Variants in N4BP2L2 observed in about 807,000 individuals in gnomAD.
N4BP2L2 encodes NEDD4-binding protein 2-like 2.
A neutral mutation model predicts 56.2 loss-of-function variants in N4BP2L2; 50 were observed. The ratio of observed to expected loss-of-function variants is 0.89; its 90% CI spans 0.71 to 1.13. The LOEUF is 1.13. Among genes scored for constraint, N4BP2L2 ranks in the 50% most tolerant of loss-of-function variants. N4BP2L2 has a pLI of 0.00. For synonymous variants in N4BP2L2, 203 were observed against 223.6 expected (o/e 0.91, Z 0.82); for missense variants, 689 against 693.8 (o/e 0.99, Z 0.08).
chr13:32,530,412 C>T (rs2054383407), intron 2 of N4BP2L2, among the ~76,000 whole-genome samples: 1 of 152,040 alleles, frequency 6.6e-6, no homozygotes, highest in African/African-American at 2.4e-5. Context: ...TATTTAAGAA[C>T]ATCAGTATTT....
At chr13:32,446,858 G>T (rs1409276619) in intron 6 of N4BP2L2, among the ~76,000 whole-genome samples, 3 of 151,942 alleles carry the variant, frequency 2.0e-5, no homozygotes, top group Non-Finnish European at 2.9e-5. Context: ...CTTCAAAACT[G>T]TATCAAGTAA....
intron 6 of N4BP2L2, among the ~76,000 whole-genome samples, chr13:32,484,678 T>C (rs2085490203): frequency 6.6e-6 from 1 of 152,132 alleles, no homozygotes; most frequent in African/African-American, 2.4e-5. Flanking sequence ...AGAGATGGGG[T>C]TTCACCATGT....
chr13:32,447,219 T>C (rs553306545), intron 6 of N4BP2L2, among the ~76,000 whole-genome samples: 31 of 152,134 alleles, frequency 2.0e-4, no homozygotes, highest in Non-Finnish European at 4.4e-4. Flanking sequence ...TTCTGTTGCC[T>C]CTCCTTTCTC....
At chr13:32,501,545 T>TG (rs1344740723) in intron 6 of N4BP2L2, among the ~76,000 whole-genome samples, 11 of 151,992 alleles carry the variant, frequency 7.2e-5, no homozygotes, top group Admixed American at 7.2e-4. Flanking sequence ...CCGGGTGCGG[T>TG]GGCTCACGCC....
intron 6 of N4BP2L2, among the ~76,000 whole-genome samples, chr13:32,444,721 T>C (rs1420946513): frequency 6.6e-6 from 1 of 152,224 alleles, no homozygotes; most frequent in African/African-American, 2.4e-5. Flanking sequence ...AAGAAAATAC[T>C]TCATATATAA....
chr13:32,513,440 T>C (rs207643), exon 6 of N4BP2L2: 96,674 of 152,010 alleles, frequency 0.64, 32,244 homozygotes, highest in Non-Finnish European at 0.75. Flanking sequence ...AAATACAGTA[T>C]ACATACAGGG....
At chr13:32,527,445 A>G (rs753951333) in exon 3 of N4BP2L2, 1 of 1,613,952 alleles carries the variant, frequency 6.2e-7, no homozygotes, top group African/African-American at 1.3e-5. Flanking sequence ...CACCAAGTTG[A>G]TTAACATTAT....
chr13:32,529,676 T>C (rs1265792965), intron 2 of N4BP2L2, among the ~76,000 whole-genome samples: 1 of 151,308 alleles, frequency 6.6e-6, no homozygotes, highest in Non-Finnish European at 1.5e-5. Context: ...TTTGTTTCGT[T>C]TTGTTTTGTT....
chr13:32,510,938 C>G (rs1279701699), exon 6 of N4BP2L2: 5 of 151,124 alleles, frequency 3.3e-5, no homozygotes. Context: ...CAACTCTTCA[C>G]TGGAATTTCT....
exon 6 of N4BP2L2, chr13:32,517,581 C>G: frequency 1.5e-6 from 2 of 1,305,760 alleles, no homozygotes; most frequent in Non-Finnish European, 2.0e-6. Context: ...TCCATAACAG[C>G]CAAGAGTATT....
intron 6 of N4BP2L2, among the ~76,000 whole-genome samples, chr13:32,482,541 T>C (rs897986028): frequency 3.3e-5 from 5 of 151,790 alleles, no homozygotes; most frequent in African/African-American, 1.2e-4. Context: ...TATTTTTGTA[T>C]TTTTAGTAGA....
chr13:32,533,836 T>C (rs1405704868), intron 2 of N4BP2L2, among the ~76,000 whole-genome samples: 1 of 152,210 alleles, frequency 6.6e-6, no homozygotes. Context: ...AACTCCTATA[T>C]GAAGCCATTC....
chr13:32,445,380 T>C (rs1384716068), intron 6 of N4BP2L2, among the ~76,000 whole-genome samples: 3 of 152,276 alleles, frequency 2.0e-5, no homozygotes, highest in Admixed American at 1.3e-4. Flanking sequence ...AATTTTGTTA[T>C]GTGGTGCATG....
chr13:32,456,360 G>C (rs1014629488), intron 6 of N4BP2L2, among the ~76,000 whole-genome samples: 1 of 152,268 alleles, frequency 6.6e-6, no homozygotes, highest in African/African-American at 2.4e-5. Context: ...CAACACCATA[G>C]ATACATCCTT....
chr13:32,444,057 G>T, exon 7 of N4BP2L2: 1 of 1,592,138 alleles, frequency 6.3e-7, no homozygotes, highest in African/African-American at 1.3e-5. Flanking sequence ...TCTGCTTTTT[G>T]TTTCTTTTTC....
At chr13:32,538,733 A>C (rs1566204756) in exon 1 of N4BP2L2, 2 of 985,378 alleles carry the variant, frequency 2.0e-6, no homozygotes, top group African/African-American at 1.7e-5. Flanking sequence ...CGAGGTCTGG[A>C]GGGACTAAAA....
intron 6 of N4BP2L2, among the ~76,000 whole-genome samples, chr13:32,495,133 T>A (rs1332260049): frequency 6.6e-6 from 1 of 152,184 alleles, no homozygotes; most frequent in Non-Finnish European, 1.5e-5. Flanking sequence ...AGCTTTCTTA[T>A]GCACAAACTG....
chr13:32,472,977 T>C (rs2082602369), intron 6 of N4BP2L2, among the ~76,000 whole-genome samples: 1 of 152,138 alleles, frequency 6.6e-6, no homozygotes, highest in Admixed American at 6.6e-5. Flanking sequence ...TAAAATAACT[T>C]ATTAATAATT....
intron 2 of N4BP2L2, among the ~76,000 whole-genome samples, chr13:32,533,356 T>C (rs2055529074): frequency 6.6e-6 from 1 of 152,002 alleles, no homozygotes; most frequent in South Asian, 2.1e-4. Flanking sequence ...CAGAATATCA[T>C]CCGACATCTT....
Sources: allele counts gnomAD v4.1 joint callset (sites outside exome capture counted in the v4.1 genomes callset), GRCh38; gene constraint gnomAD v4.1.1; transcripts MANE v1.5; gene names NCBI Gene and HGNC (gene_info 2026-07-23, HGNC 2026-07-21).